CADM2: variants seen among roughly 807,000 people sequenced by gnomAD.
CADM2 encodes immunoglobulin superfamily member 4D.
Under a neutral mutation model 49.8 loss-of-function variants are expected in CADM2, and 12 were observed. The observed-to-expected ratio is 0.24, with a 90% CI of 0.15 to 0.39. The LOEUF (loss-of-function observed/expected upper bound fraction) is 0.39. CADM2 is among the 10% of genes least tolerant of loss of function. CADM2 has a pLI of 1.00. For synonymous variants in CADM2, 214 were observed against 175.4 expected, an observed-to-expected ratio of 1.22 and a Z score of -1.74; for missense variants, 378 against 492.3, an observed-to-expected ratio of 0.77 and a Z score of 2.20.
Position 85,101,418 on chromosome 3 carries a change from C to T in CADM2, c.61+141750C>T, listed in dbSNP as rs1055617488. On this transcript the variant is annotated intron_variant, in intron 1 of 9. Coordinates refer to ENST00000383699, the MANE Select transcript of CADM2 (RefSeq NM_001167675.2). ...TACGATATATTATAACGTATAAAGG[C>T]CTCCAAAAAAAGATGAAAAGTAGAT... 2.0e-5 allele frequency among the ~76,000 whole-genome samples: 3 copies of T among 152,022 alleles called. No individual in the cohort carries two copies. The East Asian group carries it at 5.8e-4, about 29-fold the overall frequency.
chr3:85,143,490 T>G (rs892264312), intron 1 of CADM2, among the ~76,000 whole-genome samples: 1 of 152,134 alleles, frequency 6.6e-6, no homozygotes, highest in Non-Finnish European at 1.5e-5. Context: ...AAAAAATAAT[T>G]AATATGATTG....
At chr3:85,828,390 G>A (rs2074024096) in intron 3 of CADM2, among the ~76,000 whole-genome samples, 1 of 151,858 alleles carries the variant, frequency 6.6e-6, no homozygotes, top group Non-Finnish European at 1.5e-5. Flanking sequence ...TCTTTGAACT[G>A]TAGATTAAGA....
intron 1 of CADM2, among the ~76,000 whole-genome samples, chr3:85,286,220 T>C (rs1230031285): frequency 6.6e-6 from 1 of 152,144 alleles, no homozygotes; most frequent in Non-Finnish European, 1.5e-5. Flanking sequence ...TGCAGAGGAA[T>C]ATAAGCTTGT....
intron 1 of CADM2, among the ~76,000 whole-genome samples, chr3:85,601,124 A>ATGTGTGTGTG (rs10663541): frequency 2.1e-3 from 130 of 61,588 alleles, no homozygotes; most frequent in African/African-American, 5.7e-3. Flanking sequence ...GCATTTATAT[A>ATGTGTGTGTG]TGTGTGTATA....
chr3:85,087,555 A>G (rs2037427363), intron 1 of CADM2, among the ~76,000 whole-genome samples: 1 of 152,156 alleles, frequency 6.6e-6, no homozygotes, highest in Non-Finnish European at 1.5e-5. Flanking sequence ...TCGAATTTTT[A>G]CTACAAAGAA....
At chr3:85,635,549 T>A (rs1378124748) in intron 1 of CADM2, among the ~76,000 whole-genome samples, 1 of 152,152 alleles carries the variant, frequency 6.6e-6, no homozygotes, top group Non-Finnish European at 1.5e-5. Flanking sequence ...TGTTCAAATA[T>A]TACAACTAAA....
At chr3:85,167,472 C>T (rs1380072733) in intron 1 of CADM2, among the ~76,000 whole-genome samples, 2 of 151,952 alleles carry the variant, frequency 1.3e-5, no homozygotes, top group African/African-American at 4.8e-5. Context: ...AAGCAGGAAA[C>T]ATTTGAAAGC....
chr3:85,457,875 C>T (rs1252511080), intron 1 of CADM2, among the ~76,000 whole-genome samples: 1 of 152,090 alleles, frequency 6.6e-6, no homozygotes, highest in African/African-American at 2.4e-5. Flanking sequence ...AGATGTAACA[C>T]AATTCTTTTT....
chr3:85,250,315 A>G (rs1359442319), intron 1 of CADM2, among the ~76,000 whole-genome samples: 1 of 151,728 alleles, frequency 6.6e-6, no homozygotes, highest in East Asian at 1.9e-4. Flanking sequence ...TTGCAAAAAA[A>G]CTATCTTACA....
intron 2 of CADM2, among the ~76,000 whole-genome samples, chr3:85,732,063 C>G (rs2067955044): frequency 8.7e-6 from 1 of 115,296 alleles, no homozygotes; most frequent in Admixed American, 1.1e-4. Flanking sequence ...GGCTGGCCAA[C>G]ATGGTGAAAA....
intron 2 of CADM2, among the ~76,000 whole-genome samples, chr3:85,784,524 A>T (rs1298975681): frequency 1.4e-5 from 2 of 138,024 alleles, no homozygotes; most frequent in African/African-American, 6.0e-5. Flanking sequence ...AGAGATCTAA[A>T]TATATTTATC....
chr3:85,897,570 A>G (rs1715423728), intron 5 of CADM2, among the ~76,000 whole-genome samples: 1 of 151,980 alleles, frequency 6.6e-6, no homozygotes, highest in Non-Finnish European at 1.5e-5. Flanking sequence ...CGCCCGGCCT[A>G]ACCTACATCT....
chr3:85,128,452 A>G (rs1238847108), intron 1 of CADM2, among the ~76,000 whole-genome samples: 1 of 152,202 alleles, frequency 6.6e-6, no homozygotes, highest in African/African-American at 2.4e-5. Context: ...TTAATATTTA[A>G]TGATGATCCT....
chr3:85,946,859 G>A (rs1038840223), intron 7 of CADM2, among the ~76,000 whole-genome samples: 16 of 152,040 alleles, frequency 1.1e-4, no homozygotes, highest in African/African-American at 3.9e-4. Context: ...GAAAACCTAG[G>A]CAATACCATT....
At chr3:86,033,671 G>GCA (rs1438511231) in intron 8 of CADM2, among the ~76,000 whole-genome samples, 4 of 137,992 alleles carry the variant, frequency 2.9e-5, no homozygotes, top group African/African-American at 1.1e-4. Flanking sequence ...TTATATATAT[G>GCA]TATATATATA....
At chr3:85,897,175 A>G (rs1008970856) in intron 5 of CADM2, among the ~76,000 whole-genome samples, 3 of 148,670 alleles carry the variant, frequency 2.0e-5, no homozygotes, top group African/African-American at 7.4e-5. Context: ...GTAATATGGA[A>G]TCAGGATGTA....
intron 1 of CADM2, among the ~76,000 whole-genome samples, chr3:85,452,695 A>G (rs1279453497): frequency 6.6e-6 from 1 of 152,140 alleles, no homozygotes; most frequent in Non-Finnish European, 1.5e-5. Flanking sequence ...ATCCTAAGAG[A>G]TAATTCTCAG....
chr3:85,694,994 A>T (rs1483812102), intron 1 of CADM2, among the ~76,000 whole-genome samples: 1 of 152,064 alleles, frequency 6.6e-6, no homozygotes, highest in Non-Finnish European at 1.5e-5. Flanking sequence ...CTAAAAGGAA[A>T]ATTTTCTGCC....
intron 1 of CADM2, among the ~76,000 whole-genome samples, chr3:85,502,866 G>T (rs2040174401): frequency 6.6e-6 from 1 of 152,076 alleles, no homozygotes; most frequent in Admixed American, 6.5e-5. Flanking sequence ...TATGTCAACA[G>T]AAAGTATTTC....
Sources: allele counts gnomAD v4.1 joint callset (sites outside exome capture counted in the v4.1 genomes callset), GRCh38; gene constraint gnomAD v4.1.1; transcripts MANE v1.5; gene names NCBI Gene and HGNC (gene_info 2026-07-23, HGNC 2026-07-21).